ARHGEF4: variants seen among roughly 807,000 people sequenced by gnomAD.
ARHGEF4 encodes APC-stimulated guanine nucleotide exchange factor 1.
Under a neutral mutation model 162.0 loss-of-function variants are expected in ARHGEF4, and 119 were observed. That is an observed-to-expected ratio of 0.73 (90% CI 0.63 to 0.86). ARHGEF4 has a LOEUF of 0.86. ARHGEF4 is among the 40% of genes least tolerant of loss of function. ARHGEF4 has a pLI of 0.00. For synonymous variants in ARHGEF4, 1,014 were observed against 979.9 expected (o/e 1.03, Z -0.65); for missense variants, 2,488 against 2,456.0 (o/e 1.01, Z -0.28).
chr2:130,982,618 T>TCC (rs1686202192), intron 4 of ARHGEF4, among the ~76,000 whole-genome samples: 1 of 29,550 alleles, frequency 3.4e-5, no homozygotes, highest in Non-Finnish European at 2.8e-4. Flanking sequence ...TCCTCCTTTC[T>TCC]TCTTTTCTTT....
intron 4 of ARHGEF4, among the ~76,000 whole-genome samples, chr2:130,949,216 T>C (rs1683804053): frequency 1.3e-5 from 2 of 152,226 alleles, no homozygotes; most frequent in South Asian, 4.1e-4. Context: ...AATGTCCTTT[T>C]GAAGCCATTA....
intron 4 of ARHGEF4, among the ~76,000 whole-genome samples, chr2:130,975,034 T>C (rs1558792640): frequency 6.6e-6 from 1 of 152,024 alleles, no homozygotes; most frequent in South Asian, 2.1e-4. Flanking sequence ...GGTGTAAAGC[T>C]CTTTTTTAAG....
At chr2:130,978,167 G>A (rs1685878673) in intron 4 of ARHGEF4, among the ~76,000 whole-genome samples, 3 of 152,152 alleles carry the variant, frequency 2.0e-5, no homozygotes, top group Non-Finnish European at 4.4e-5. Context: ...CTGTCTATGG[G>A]ACCCTCGGGC....
chr2:131,018,375 GTCT>G (rs149090638), intron 4 of ARHGEF4, among the ~76,000 whole-genome samples: 5,268 of 152,226 alleles, frequency 0.035, 154 homozygotes, highest in South Asian at 0.12. Flanking sequence ...CCATTCGTAT[GTCT>G]TCTTTGAAGA....
At position 130,916,171 on chromosome 2, in the gene ARHGEF4, G is replaced by A. The variant is rs1387787656; in HGVS notation, c.2225G>A (p.Arg742Gln). Residue 742 changes from arginine to glutamine, a missense_variant, in exon 2 of 14, where the codon CGG (arginine) becomes CAG (glutamine). Physicochemically the swap from Arg to Gln is conservative, Grantham distance 43. This residue lies in a region of ARHGEF4 where 1,642 missense variants were observed against 1,481.5 expected (regional missense o/e 1.11). Coordinates refer to ENST00000409359, the MANE Select transcript of ARHGEF4 (RefSeq NM_001367493.1). Reference protein sequence around the residue: ...PPGERLRGESRSSGSGERGPE... With the variant: ...PPGERLRGESQSSGSGERGPE... The stretch of plus-strand genomic sequence containing the variant: ...GGAGAGAGACTGCGTGGGGAGAGCC[G>A]GAGCTCCGGGTCAGGGGAGCGTGGC... 6.5e-7 allele frequency: 1 copy of A among 1,548,712 alleles called. No homozygotes were observed. Among genetic ancestry groups the A allele is most frequent in the Non-Finnish European group, 8.7e-7 (1 of 1,146,852 alleles).
chr2:130,892,554 G>A (rs1268629980), intron 1 of ARHGEF4, among the ~76,000 whole-genome samples: 4 of 152,152 alleles, frequency 2.6e-5, no homozygotes, highest in Non-Finnish European at 4.4e-5. Context: ...CCAAGCCTGC[G>A]CCTGAAGTGT....
chr2:130,998,384 G>A (rs1687542217), intron 4 of ARHGEF4, among the ~76,000 whole-genome samples: 2 of 152,116 alleles, frequency 1.3e-5, no homozygotes, highest in Non-Finnish European at 1.5e-5. Flanking sequence ...TATCCTATGA[G>A]ATTTGACAAA....
chr2:131,013,409 G>A (rs1393363055), intron 4 of ARHGEF4, among the ~76,000 whole-genome samples: 1 of 152,152 alleles, frequency 6.6e-6, no homozygotes, highest in Non-Finnish European at 1.5e-5. Flanking sequence ...GCCGAATGGT[G>A]TGCTGAAGGC....
intron 2 of ARHGEF4, 119 bp downstream of exon 2, chr2:130,917,617 C>A (rs1356110382): frequency 7.7e-7 from 1 of 1,302,536 alleles, no homozygotes; most frequent in African/African-American, 1.5e-5. Flanking sequence ...AAAATTGCCC[C>A]CGTTACACTC....
intron 1 of ARHGEF4, among the ~76,000 whole-genome samples, chr2:130,890,738 T>C (rs1453859506): frequency 6.6e-6 from 1 of 152,224 alleles, no homozygotes; most frequent in Non-Finnish European, 1.5e-5. Context: ...TTTTAATTTT[T>C]AGGAGTTCTG....
intron 4 of ARHGEF4, among the ~76,000 whole-genome samples, chr2:130,999,732 T>C (rs149376587): frequency 0.041 from 6,206 of 152,156 alleles, 356 homozygotes; most frequent in East Asian, 0.18. Flanking sequence ...GATGGAGTTT[T>C]GCTCTTGTCG....
At chr2:130,975,889 G>A (rs1685667611) in intron 4 of ARHGEF4, among the ~76,000 whole-genome samples, 1 of 152,278 alleles carries the variant, frequency 6.6e-6, no homozygotes, top group Admixed American at 6.5e-5. Flanking sequence ...TGAGGGAGGT[G>A]GGCAAGGAGA....
intron 3 of ARHGEF4, among the ~76,000 whole-genome samples, chr2:130,941,312 T>C (rs1052795021): frequency 2.0e-5 from 3 of 151,638 alleles, no homozygotes; most frequent in African/African-American, 7.3e-5. Flanking sequence ...GTTCAAGCAA[T>C]TCTGCCTCAG....
In ARHGEF4 at chr2:130,841,353, C is replaced by T. The variant is rs912012648; in HGVS notation, c.39+4361C>T. Among the ~76,000 whole-genome samples the T allele has an allele frequency of 6.0e-5, 9 of 151,194 alleles. 1 individual carries two copies. Among genetic ancestry groups the T allele is most frequent in the East Asian group, 5.8e-4 (3 of 5,142 alleles). ...TGCTGGGATTACAAGCATGAGCCAC[C>T]GCGCCAGGCCTAGAAAGCTTTTTTT... On this transcript the variant is annotated intron_variant, in intron 1 of 13. Coordinates refer to ENST00000409359, the MANE Select transcript of ARHGEF4 (RefSeq NM_001367493.1).
chr2:130,961,096 C>T (rs918994754), intron 4 of ARHGEF4, among the ~76,000 whole-genome samples: 13 of 152,174 alleles, frequency 8.5e-5, no homozygotes, highest in African/African-American at 3.1e-4. Context: ...AGTCCTGACC[C>T]CAGACAGCGA....
intron 5 of ARHGEF4, among the ~76,000 whole-genome samples, chr2:131,032,586 C>T (rs996556945): frequency 2.0e-5 from 3 of 151,942 alleles, no homozygotes; most frequent in Non-Finnish European, 4.4e-5. Context: ...GCCACTGCTG[C>T]CACTTTTGCG....
At chr2:131,018,804 C>A (rs1218163908) in intron 4 of ARHGEF4, among the ~76,000 whole-genome samples, 1 of 152,126 alleles carries the variant, frequency 6.6e-6, no homozygotes, top group Non-Finnish European at 1.5e-5. Context: ...CATTATTTTG[C>A]ATTTGGATAT....
In ARHGEF4 at chr2:130,916,011, T is replaced by A; in HGVS notation, c.2065T>A (p.Cys689Ser). The change falls in exon 2 of 14, where the codon TGT becomes AGT. Residue 689 changes from cysteine (C) to serine (S), a missense_variant. Transcript: ENST00000409359. ...TRGKTPAGNE[C>S]ELPAAPIQGA... is the part of the protein sequence containing the mutation. ...GGGGAAAACACCAGCCGGTAATGAG[T>A]GTGAGTTGCCAGCAGCCCCCATACA... The A allele has an allele frequency of 6.5e-7, 1 of 1,550,000 alleles. No homozygotes were observed. The highest frequency in any genetic ancestry group is 8.7e-7 in the Non-Finnish European group (1 of 1,146,844).
chr2:130,866,414 G>T (rs1391643499), intron 1 of ARHGEF4, among the ~76,000 whole-genome samples: 2 of 152,102 alleles, frequency 1.3e-5, no homozygotes, highest in African/African-American at 2.4e-5. Flanking sequence ...GGTATGGCAG[G>T]CAGGATTTTG....
Sources: allele counts gnomAD v4.1 joint callset (sites outside exome capture counted in the v4.1 genomes callset), GRCh38; gene constraint gnomAD v4.1.1; regional missense constraint gnomAD v4.1.1; transcripts MANE v1.5; gene names NCBI Gene and HGNC (gene_info 2026-07-23, HGNC 2026-07-21).